Variants in TM9SF4 observed in about 807,000 individuals in gnomAD.
The protein encoded by TM9SF4 is dinucleotide oxidase disulfide thiol exchanger 3 superfamily member 4.
In TM9SF4, 26 loss-of-function variants were observed where a neutral mutation model predicts 90.4. The observed-to-expected ratio is 0.29, with a 90% CI of 0.21 to 0.40. The LOEUF is 0.40. Among genes scored for constraint, TM9SF4 ranks in the 10% least tolerant of loss-of-function variants. The probability of loss-of-function intolerance (pLI) is 1.00; values close to 1 mark genes in which losing one functional copy is unlikely to be tolerated. For missense variants in TM9SF4, 549 were observed against 834.8 expected (o/e 0.66, Z 4.22); for synonymous variants, 293 against 315.4 (o/e 0.93, Z 0.75).
At chr20:32,151,146 C>T (rs532565176) in intron 12 of TM9SF4, among the ~76,000 whole-genome samples, 3 of 152,120 alleles carry the variant, frequency 2.0e-5, no homozygotes, top group African/African-American at 7.2e-5. Context: ...TCTGATGGCT[C>T]AAGCAAGAGA....
At chr20:32,122,279 CG>C (rs2046330209) in intron 1 of TM9SF4, among the ~76,000 whole-genome samples, 1 of 131,086 alleles carries the variant, frequency 7.6e-6, no homozygotes, top group African/African-American at 3.4e-5. Context: ...CCCTCCCGGA[CG>C]GGGCGGCTGG....
intron 1 of TM9SF4, among the ~76,000 whole-genome samples, chr20:32,114,691 AC>A (rs1229489063): frequency 6.6e-6 from 1 of 152,150 alleles, no homozygotes; most frequent in African/African-American, 2.4e-5. Context: ...GAGTCCTGGA[AC>A]AGAAGGCCAG....
At chr20:32,119,380 T>A (rs952444817) in intron 1 of TM9SF4, among the ~76,000 whole-genome samples, 1 of 152,134 alleles carries the variant, frequency 6.6e-6, no homozygotes, top group Non-Finnish European at 1.5e-5. Context: ...CAGATTCTAG[T>A]GGGTGTGTGG....
chr20:32,141,844 A>G lies in TM9SF4; in HGVS notation c.477A>G (p.Lys159=). ...ACAGCGATGACAAGAAGAAGGAAAA[A>G]GATGTGCAGTTTGAACACGGCTACC... is the stretch of plus-strand genomic sequence containing the variant. ...NRDSDDKKKE[K]DVQFEHGYRL... is the part of the protein sequence containing the mutation. Residue 159 remains lysine (K), a synonymous_variant, in exon 5 of 18, where the codon AAA becomes AAG. Transcript: ENST00000398022. 6.2e-7 allele frequency: 1 copy of G among 1,614,028 alleles called. No individual in the cohort carries two copies. Among genetic ancestry groups the G allele is most frequent in the Non-Finnish European group, 8.5e-7 (1 of 1,180,002 alleles).
At chr20:32,151,241 A>G (rs1359203584) in intron 12 of TM9SF4, among the ~76,000 whole-genome samples, 2 of 152,152 alleles carry the variant, frequency 1.3e-5, no homozygotes, top group African/African-American at 2.4e-5. Flanking sequence ...TTGCCTGCCT[A>G]AGCCTGAAGA....
intron 3 of TM9SF4, among the ~76,000 whole-genome samples, chr20:32,140,080 T>G (rs1052716944): frequency 3.9e-5 from 6 of 152,232 alleles, no homozygotes; most frequent in African/African-American, 1.4e-4. Flanking sequence ...CAGTACCCAG[T>G]ACATGTTCAC....
Position 32,165,764 on chromosome 20 carries a change from C to G in TM9SF4, c.*320C>G, listed in dbSNP as rs1312476320. The G allele has an allele frequency of 3.4e-6, 1 of 297,418 alleles. No homozygotes were observed. The highest frequency in any genetic ancestry group is 4.4e-5 in the South Asian group (1 of 22,706). The allele number at this position is 297,418 out of a possible 1,614,324, so 18.4% of individuals were successfully genotyped here. Reference sequence around the variant, plus strand: ...TTCTGGTTTGGATTTTTTTTTCCTTCTTTGTTTTAACAAATGGATCCAGGA... The same window carrying G: ...TTCTGGTTTGGATTTTTTTTTCCTTGTTTGTTTTAACAAATGGATCCAGGA... On this transcript the variant is annotated 3_prime_UTR_variant, in exon 18 of 18. Coordinates refer to ENST00000398022, the MANE Select transcript of TM9SF4 (RefSeq NM_014742.4).
At chr20:32,140,546 G>A (rs1020474134) in intron 3 of TM9SF4, among the ~76,000 whole-genome samples, 2 of 152,216 alleles carry the variant, frequency 1.3e-5, no homozygotes, top group East Asian at 3.8e-4. Context: ...AACGGATGCT[G>A]ATGATAAAAG....
chr20:32,165,493 C>A lies in TM9SF4; in HGVS notation c.*49C>A, dbSNP rs1410181189. 1.9e-6 allele frequency: 3 copies of A among 1,603,738 alleles called. No individual in the cohort carries two copies. Among genetic ancestry groups the A allele is most frequent in the Non-Finnish European group, 2.6e-6 (3 of 1,171,502 alleles). On this transcript the variant is annotated 3_prime_UTR_variant, in exon 18 of 18. Coordinates refer to ENST00000398022, the MANE Select transcript of TM9SF4 (RefSeq NM_014742.4). Reference sequence around the variant, plus strand: ...TGCTCCGTCCTCGGACAGGAAGCCACCCTGCGTGGGGGACTGCAGGCACGC... The same window carrying A: ...TGCTCCGTCCTCGGACAGGAAGCCAACCTGCGTGGGGGACTGCAGGCACGC...
intron 1 of TM9SF4, among the ~76,000 whole-genome samples, chr20:32,116,018 C>T (rs1014066220): frequency 1.3e-5 from 2 of 151,686 alleles, no homozygotes; most frequent in Admixed American, 6.6e-5. Context: ...GATAGGGTTT[C>T]GCCATGTTGG....
At chr20:32,160,223 T>G (rs1471200953) in intron 16 of TM9SF4, 112 bp downstream of exon 16, 1 of 1,502,948 alleles carries the variant, frequency 6.7e-7, no homozygotes, top group Non-Finnish European at 9.0e-7. Context: ...GGCCCCTGCT[T>G]CTGGCTCTGA....
At chr20:32,127,573 C>T (rs2046441624) in intron 1 of TM9SF4, among the ~76,000 whole-genome samples, 1 of 152,186 alleles carries the variant, frequency 6.6e-6, no homozygotes, top group Non-Finnish European at 1.5e-5. Flanking sequence ...TGCTCAGTGA[C>T]TCTGGCTTCT....
chr20:32,148,147 C>T (rs867334014), intron 9 of TM9SF4, among the ~76,000 whole-genome samples: 3 of 152,004 alleles, frequency 2.0e-5, no homozygotes, highest in African/African-American at 7.2e-5. Flanking sequence ...TCTAAAATTT[C>T]GAATGTAATG....
intron 1 of TM9SF4, among the ~76,000 whole-genome samples, chr20:32,124,391 G>C (rs1328021677): frequency 6.6e-6 from 1 of 152,114 alleles, no homozygotes; most frequent in African/African-American, 2.4e-5. Context: ...AGTTCTTCTT[G>C]AACACCTCTA....
intron 12 of TM9SF4, among the ~76,000 whole-genome samples, chr20:32,151,425 G>C (rs1401140741): frequency 7.1e-6 from 1 of 141,056 alleles, no homozygotes; most frequent in South Asian, 2.3e-4. Flanking sequence ...AGGGATCCCC[G>C]AGCCCCTTCT....
At chr20:32,143,956 T>C (rs1002129838) in intron 6 of TM9SF4, among the ~76,000 whole-genome samples, 1 of 151,930 alleles carries the variant, frequency 6.6e-6, no homozygotes, top group African/African-American at 2.4e-5. Context: ...ATCTTTTTTT[T>C]TCCCCCCAAG....
chr20:32,141,523 G>A lies in TM9SF4; in HGVS notation c.256G>A (p.Val86Ile), dbSNP rs2046678323. The change falls in exon 4 of 18, where the codon GTC (valine) becomes ATC (isoleucine). Residue 86 changes from valine to isoleucine, a missense_variant. Val to Ile is a conservative substitution (Grantham distance 29). Coordinates refer to ENST00000398022, the MANE Select transcript of TM9SF4 (RefSeq NM_014742.4). ...AGAGGTGCTGAGAGGGGACCGGATT[G>A]TCAACACCCCTTTCCAGGTTCTCAT... The part of the protein sequence containing the change: ...LGEVLRGDRI[V>I]NTPFQVLMNS... 6.2e-7 allele frequency: 1 copy of A among 1,614,108 alleles called. No individual in the cohort carries two copies. The highest frequency in any genetic ancestry group is 8.5e-7 in the Non-Finnish European group (1 of 1,180,030).
Position 32,155,091 on chromosome 20 carries a change from C to T in TM9SF4, c.1246-12C>T, listed in dbSNP as rs752887663. On this transcript the variant is annotated splice_polypyrimidine_tract_variant and intron_variant, in intron 12 of 17. Coordinates refer to ENST00000398022, the MANE Select transcript of TM9SF4 (RefSeq NM_014742.4). ...TGGATGCTGCTCCTCAACCCGGCCCCTCTTGCTCCAGACGGCAACTCTGTA... is the reference window on the plus strand; with the variant it reads ...TGGATGCTGCTCCTCAACCCGGCCCTTCTTGCTCCAGACGGCAACTCTGTA... 3 of 1,613,772 alleles carry T rather than the reference C, an allele frequency of 1.9e-6. No individual in the cohort carries two copies. In the Admixed American group the frequency reaches 5.0e-5, roughly 27 times the overall value.
At chr20:32,114,579 C>T (rs2046193965) in intron 1 of TM9SF4, among the ~76,000 whole-genome samples, 1 of 152,190 alleles carries the variant, frequency 6.6e-6, no homozygotes, top group African/African-American at 2.4e-5. Context: ...GCAATCCTCC[C>T]GTCTTGACCT....
Sources: allele counts gnomAD v4.1 joint callset (sites outside exome capture counted in the v4.1 genomes callset), GRCh38; gene constraint gnomAD v4.1.1; transcripts MANE v1.5; gene names NCBI Gene and HGNC (gene_info 2026-07-23, HGNC 2026-07-21).